The following SGMS2 variants were observed in gnomAD, a reference collection of about 807,000 sequenced individuals.
SGMS2 encodes sphingomyelin synthase 2, also known as phosphatidylcholine:ceramide cholinephosphotransferase 2.
A neutral mutation model predicts 43.8 loss-of-function variants in SGMS2; 21 were observed. That is an observed-to-expected ratio of 0.48 (90% CI 0.34 to 0.69). SGMS2 has a LOEUF of 0.69. SGMS2 is among the 30% of genes least tolerant of loss of function. The pLI, the probability that SGMS2 is intolerant of heterozygous loss-of-function variation, is 0.01. For synonymous variants in SGMS2, 167 were observed against 160.6 expected, an observed-to-expected ratio of 1.04 and a Z score of -0.30; for missense variants, 384 against 443.2, an observed-to-expected ratio of 0.87 and a Z score of 1.20.
rs150784082 is a variant in SGMS2 at position 107,895,724 on chromosome 4, G to A, written c.171G>A (p.Pro57=). The A allele has an allele frequency of 7.1e-4, 1,149 of 1,613,862 alleles. 4 individuals carry two copies. The African/African-American group carries it at 0.012, about 17-fold the overall frequency. Residue 57 remains proline, a synonymous_variant, in exon 3 of 7, where the codon CCG becomes CCA. Coordinates refer to ENST00000690982, the MANE Select transcript of SGMS2 (RefSeq NM_001375905.1). ...TGCGAAAAGGCACCAAAAAGTACCCGGACTATATCCAAATTGCTATGCCCA... is the reference window on the plus strand; with the variant it reads ...TGCGAAAAGGCACCAAAAAGTACCCAGACTATATCCAAATTGCTATGCCCA... ...SGLRKGTKKY[P]DYIQIAMPTE...
chr4:107,862,045 A>G (rs1727763178), intron 2 of SGMS2, among the ~76,000 whole-genome samples: 1 of 152,246 alleles, frequency 6.6e-6, no homozygotes, highest in African/African-American at 2.4e-5. Flanking sequence ...AGCAAAAACG[A>G]AAGAAACAAC....
chr4:107,887,623 C>CTTTATAATT (rs1396566776), intron 2 of SGMS2, among the ~76,000 whole-genome samples: 1 of 152,138 alleles, frequency 6.6e-6, no homozygotes, highest in Non-Finnish European at 1.5e-5. Flanking sequence ...AAAAGGCATA[C>CTTTATAATT]TTTATAATTT....
chr4:107,890,739 TA>T (rs1359508285), intron 2 of SGMS2, among the ~76,000 whole-genome samples: 1 of 151,720 alleles, frequency 6.6e-6, no homozygotes, highest in African/African-American at 2.4e-5. Flanking sequence ...GAAGGCCTTT[TA>T]AATACAAACA....
intron 2 of SGMS2, among the ~76,000 whole-genome samples, chr4:107,892,520 T>G (rs892555608): frequency 6.6e-6 from 1 of 152,138 alleles, no homozygotes; most frequent in Non-Finnish European, 1.5e-5. Flanking sequence ...TTGCCAAGGT[T>G]GAGGTTGCAC....
At chr4:107,899,994 A>C (rs1730985777) in intron 4 of SGMS2, among the ~76,000 whole-genome samples, 2 of 152,080 alleles carry the variant, frequency 1.3e-5, no homozygotes, top group Non-Finnish European at 2.9e-5. Context: ...AAGCTTATGT[A>C]CCAGGGATTG....
chr4:107,877,507 C>T (rs1197827076), intron 2 of SGMS2, among the ~76,000 whole-genome samples: 3 of 152,130 alleles, frequency 2.0e-5, no homozygotes, highest in Non-Finnish European at 4.4e-5. Flanking sequence ...TATATTTAAC[C>T]TTACTGATAA....
chr4:107,835,063 T>TG (rs1314502468), intron 1 of SGMS2, among the ~76,000 whole-genome samples: 2 of 151,932 alleles, frequency 1.3e-5, no homozygotes, highest in African/African-American at 2.4e-5. Flanking sequence ...TAATAATAGA[T>TG]GGGGTTTTTT....
At chr4:107,840,863 T>A (rs903995598) in intron 1 of SGMS2, among the ~76,000 whole-genome samples, 1 of 151,968 alleles carries the variant, frequency 6.6e-6, no homozygotes, top group Admixed American at 6.6e-5. Context: ...TAGAAAAGAG[T>A]CCTGTTGCAC....
chr4:107,837,016 T>A (rs893270569), intron 1 of SGMS2, among the ~76,000 whole-genome samples: 17 of 152,348 alleles, frequency 1.1e-4, no homozygotes, highest in African/African-American at 3.6e-4. Context: ...TTCATAAATA[T>A]ATTGACTTAA....
At chr4:107,855,892 A>G (rs1030938597) in intron 1 of SGMS2, among the ~76,000 whole-genome samples, 3 of 152,132 alleles carry the variant, frequency 2.0e-5, no homozygotes, top group African/African-American at 4.8e-5. Context: ...AGTTAGTACT[A>G]TTTATAGATG....
chr4:107,860,843 A>G (rs74796089), intron 2 of SGMS2, among the ~76,000 whole-genome samples: 17,057 of 152,160 alleles, frequency 0.11, 1,349 homozygotes, highest in African/African-American at 0.21. Flanking sequence ...CTTATTACAT[A>G]TCTACTAGAA....
intron 1 of SGMS2, among the ~76,000 whole-genome samples, chr4:107,845,921 T>C (rs76726509): frequency 0.035 from 5,307 of 152,254 alleles, 308 homozygotes; most frequent in African/African-American, 0.12. Flanking sequence ...CTAAATGTTA[T>C]GCCACCAAAT....
chr4:107,902,818 G>T (rs1050881515), intron 4 of SGMS2, among the ~76,000 whole-genome samples: 1 of 152,020 alleles, frequency 6.6e-6, no homozygotes, highest in Non-Finnish European at 1.5e-5. Context: ...CCTAATACAA[G>T]ATACCAATAC....
chr4:107,862,942 T>C (rs777827640), intron 2 of SGMS2, among the ~76,000 whole-genome samples: 17 of 152,230 alleles, frequency 1.1e-4, no homozygotes, highest in Non-Finnish European at 1.9e-4. Context: ...AACATTTGCA[T>C]GTGCCCTGAG....
chr4:107,870,930 A>C (rs1728517516), intron 2 of SGMS2, among the ~76,000 whole-genome samples: 1 of 152,236 alleles, frequency 6.6e-6, no homozygotes, highest in Non-Finnish European at 1.5e-5. Context: ...AATGGAAATA[A>C]GATTAACTAT....
intron 2 of SGMS2, among the ~76,000 whole-genome samples, chr4:107,862,856 C>T (rs979317435): frequency 1.3e-5 from 2 of 152,202 alleles, no homozygotes; most frequent in Non-Finnish European, 2.9e-5. Context: ...ATGTTCTGAA[C>T]ACCTCACTGA....
chr4:107,852,670 A>G (rs1727217287), intron 1 of SGMS2, among the ~76,000 whole-genome samples: 1 of 152,102 alleles, frequency 6.6e-6, no homozygotes, highest in African/African-American at 2.4e-5. Flanking sequence ...CTGTGATAGG[A>G]GCATTTCATT....
chr4:107,831,661 A>G (rs141482400), intron 1 of SGMS2, among the ~76,000 whole-genome samples: 197 of 152,338 alleles, frequency 1.3e-3, no homozygotes, highest in African/African-American at 4.5e-3. Context: ...GGTGGCATGT[A>G]TCTTTTGGAA....
chr4:107,864,030 G>C (rs1578554505), intron 2 of SGMS2: 1 of 152,350 alleles, frequency 6.6e-6, no homozygotes, highest in Non-Finnish European at 1.5e-5. Flanking sequence ...CTCTATCCTT[G>C]CAGCTCATAA....
Sources: gnomAD v4.1 joint callset for allele counts (sites outside exome capture counted in the v4.1 genomes callset) on GRCh38, gnomAD v4.1.1 for gene constraint, MANE v1.5 for transcripts, NCBI Gene and HGNC (gene_info 2026-07-23, HGNC 2026-07-21) for gene names.